TTC29: variants seen among roughly 807,000 people sequenced by gnomAD.
TTC29 encodes the protein tetratricopeptide repeat domain 29, also known as tetratricopeptide repeat protein 29.
A neutral mutation model predicts 58.1 loss-of-function variants in TTC29; 49 were observed. The ratio of observed to expected loss-of-function variants is 0.84; its 90% CI spans 0.67 to 1.07. The LOEUF (loss-of-function observed/expected upper bound fraction) is 1.07, where lower values mean the gene tolerates loss of function less well. TTC29 is among the 50% of genes least tolerant of loss of function. The pLI, the probability that TTC29 is intolerant of heterozygous loss-of-function variation, is 0.00. For synonymous variants in TTC29, 209 were observed against 196.8 expected, an observed-to-expected ratio of 1.06 and a Z score of -0.52; for missense variants, 582 against 555.6, an observed-to-expected ratio of 1.05 and a Z score of -0.48.
chr4:146,733,387 G>A (rs907486512), intron 11 of TTC29, among the ~76,000 whole-genome samples: 1 of 151,944 alleles, frequency 6.6e-6, no homozygotes, highest in African/African-American at 2.4e-5. Flanking sequence ...ACTTCTGTAA[G>A]TATATGATAT....
intron 11 of TTC29, among the ~76,000 whole-genome samples, chr4:146,720,165 A>G (rs950184673): frequency 6.6e-6 from 1 of 152,204 alleles, no homozygotes; most frequent in Non-Finnish European, 1.5e-5. Flanking sequence ...AAACATGTGT[A>G]GAAGAAATCA....
chr4:146,934,204 A>G (rs1735573925), intron 4 of TTC29: 1 of 152,256 alleles, frequency 6.6e-6, no homozygotes, highest in South Asian at 2.1e-4. Context: ...GAGCAGTTAT[A>G]TGACCATTTA....
intron 11 of TTC29, among the ~76,000 whole-genome samples, chr4:146,789,731 C>T (rs547634414): frequency 2.4e-4 from 36 of 151,774 alleles, no homozygotes; most frequent in Admixed American, 3.9e-4. Context: ...TTGTCAAACT[C>T]TTTATTCAAT....
chr4:146,710,280 A>G (rs552060691), intron 11 of TTC29, among the ~76,000 whole-genome samples: 8 of 152,254 alleles, frequency 5.3e-5, no homozygotes, highest in East Asian at 1.9e-4. Flanking sequence ...GCACATTACT[A>G]TAGTGAATAT....
At chr4:146,767,233 C>A (rs1022529187) in intron 11 of TTC29, among the ~76,000 whole-genome samples, 1 of 151,896 alleles carries the variant, frequency 6.6e-6, no homozygotes, top group Non-Finnish European at 1.5e-5. Context: ...AGTCCTGGTT[C>A]TACCATCTTC....
intron 11 of TTC29, among the ~76,000 whole-genome samples, chr4:146,758,807 C>A (rs1156403681): frequency 6.6e-6 from 1 of 151,988 alleles, no homozygotes; most frequent in Non-Finnish European, 1.5e-5. Context: ...AATAATGACA[C>A]AACCTATCAA....
At chr4:146,791,009 C>G (rs1409810125) in intron 11 of TTC29, among the ~76,000 whole-genome samples, 1 of 152,084 alleles carries the variant, frequency 6.6e-6, no homozygotes, top group East Asian at 1.9e-4. Context: ...TCCCTGTTAC[C>G]AAGTTTGTGT....
At chr4:146,784,732 A>G (rs1312879040) in intron 11 of TTC29, among the ~76,000 whole-genome samples, 7 of 152,122 alleles carry the variant, frequency 4.6e-5, no homozygotes, top group Non-Finnish European at 7.4e-5. Context: ...TTTATAAGTT[A>G]CCCAATTAAT....
chr4:146,912,131 A>G lies in TTC29; in HGVS notation c.177-2882T>C, dbSNP rs542055905. The stretch of plus-strand genomic sequence containing the variant: ...AAAAAAAAAATCACAAAAAAATCTC[A>G]TAGCCTTTTTAAGAAAGTTTATGAA... On this transcript the variant is annotated intron_variant, in intron 4 of 12. Transcript: ENST00000325106. Among the ~76,000 whole-genome samples the G allele has an allele frequency of 2.0e-5, 3 of 152,254 alleles. No individual in the cohort carries two copies. In the East Asian group the frequency reaches 5.8e-4, roughly 29 times the overall value.
chr4:146,799,829 A>G (rs975185957), intron 11 of TTC29, among the ~76,000 whole-genome samples: 9 of 152,220 alleles, frequency 5.9e-5, no homozygotes, highest in Admixed American at 3.3e-4. Context: ...TAAGTTGAAT[A>G]TGGAAAGCTT....
intron 8 of TTC29, among the ~76,000 whole-genome samples, chr4:146,835,327 T>A (rs917399268): frequency 1.3e-5 from 2 of 152,134 alleles, no homozygotes; most frequent in Non-Finnish European, 2.9e-5. Flanking sequence ...AGATCTAATC[T>A]GATATGAATT....
At chr4:146,895,456 C>G (rs1732706105) in intron 6 of TTC29, among the ~76,000 whole-genome samples, 1 of 152,166 alleles carries the variant, frequency 6.6e-6, no homozygotes, top group South Asian at 2.1e-4. Flanking sequence ...CTCTCTCCTT[C>G]ATTCTTCACT....
Position 146,909,242 on chromosome 4 carries a change from T to C in TTC29, c.184A>G (p.Asn62Asp). 2 of 1,609,754 alleles carry C rather than the reference T, an allele frequency of 1.2e-6. No homozygotes were observed. The highest frequency in any genetic ancestry group is 1.7e-6 in the Non-Finnish European group (2 of 1,177,536). ...LSKEEVAAYR[N>D]SYKKNICVDM... is the part of the protein sequence containing the mutation. ...ACACAGATATTCTTCTTGTAGGAGT[T>C]CCTATAACTGGAAATATGAATCAGA... The change falls in exon 5 of 13, where the codon AAC becomes GAC. Residue 62 changes from asparagine (N) to aspartate (D), a missense_variant. Asn to Asp is a conservative substitution (Grantham distance 23). Coordinates refer to ENST00000325106, the MANE Select transcript of TTC29 (RefSeq NM_031956.4).
At chr4:146,893,085 C>T (rs560416052) in intron 6 of TTC29, among the ~76,000 whole-genome samples, 13 of 152,112 alleles carry the variant, frequency 8.5e-5, no homozygotes, top group Non-Finnish European at 1.3e-4. Context: ...GAATCAATAT[C>T]GTGAAAATGG....
chr4:146,843,325 CA>C (rs1441797668), intron 8 of TTC29, among the ~76,000 whole-genome samples: 1 of 152,154 alleles, frequency 6.6e-6, no homozygotes, highest in Non-Finnish European at 1.5e-5. Context: ...TTATAATACA[CA>C]AAAGTGGTTA....
At chr4:146,834,086 T>G (rs997579305) in intron 8 of TTC29, among the ~76,000 whole-genome samples, 189 bp from the exon 9 acceptor site, 1 of 152,234 alleles carries the variant, frequency 6.6e-6, no homozygotes, top group Non-Finnish European at 1.5e-5. Flanking sequence ...GCAATCTCTT[T>G]AAGCCATGAC....
chr4:146,933,923 G>A (rs932698038), intron 4 of TTC29: 1 of 152,128 alleles, frequency 6.6e-6, no homozygotes, highest in Non-Finnish European at 1.5e-5. Context: ...ATTGTATTAT[G>A]AGGTCAAGAA....
intron 8 of TTC29, among the ~76,000 whole-genome samples, chr4:146,848,432 G>T (rs1399955827): frequency 1.3e-5 from 2 of 152,154 alleles, no homozygotes; most frequent in Non-Finnish European, 2.9e-5. Flanking sequence ...TCATAAAGAG[G>T]CTTGGGACAG....
Position 146,943,169 on chromosome 4 carries a change from C to CTT in TTC29, c.-7+1860_-7+1861dup, listed in dbSNP as rs61184684. Among the ~76,000 whole-genome samples the CTT allele has an allele frequency of 9.7e-4, 58 of 59,494 alleles. 4 individuals are homozygous for CTT. Among genetic ancestry groups the CTT allele is most frequent in the African/African-American group, 1.2e-3 (25 of 21,668 alleles). 39.0% of individuals were successfully genotyped at this position (59,494 alleles called of 152,430 possible). On this transcript the variant is annotated intron_variant, in intron 2 of 12. Coordinates refer to ENST00000325106, the MANE Select transcript of TTC29 (RefSeq NM_031956.4). ...TTCTTTGTCATACAGATCAACTGTG[C>CTT]TTTTTTTTTTTTTTTTTTTTTTTTT...
Sources: gnomAD v4.1 joint callset for allele counts (sites outside exome capture counted in the v4.1 genomes callset) on GRCh38, gnomAD v4.1.1 for gene constraint, MANE v1.5 for transcripts, NCBI Gene and HGNC (gene_info 2026-07-23, HGNC 2026-07-21) for gene names.